Variants in ANO7 observed in about 807,000 individuals in gnomAD.
ANO7 encodes anoctamin 7.
Under a neutral mutation model 115.8 loss-of-function variants are expected in ANO7, and 114 were observed. That is an observed-to-expected ratio of 0.98 (90% confidence interval 0.85 to 1.15). The LOEUF (loss-of-function observed/expected upper bound fraction) is 1.15. Ranked by LOEUF, ANO7 falls within the 50% of genes most tolerant of loss-of-function variation. The pLI is 0.00. For missense variants in ANO7, 1,302 were observed against 1,201.2 expected, an observed-to-expected ratio of 1.08 and a Z score of -1.24; for synonymous variants, 550 against 498.2, an observed-to-expected ratio of 1.10 and a Z score of -1.38.
At position 241,209,472 on chromosome 2, in the gene ANO7, G is replaced by A. The variant is rs199681738; in HGVS notation, c.1222-26G>A. 429 of 1,599,118 alleles carry A rather than the reference G, an allele frequency of 2.7e-4. 1 individual carries two copies. The African/African-American group carries it at 5.1e-3, about 19-fold the overall frequency. Reference sequence around the variant, plus strand: ...ACCACGGTCACACCCGGCGAGGGCCGCCACTGAGCACCGGCTCCCTTCCAG... The same window carrying A: ...ACCACGGTCACACCCGGCGAGGGCCACCACTGAGCACCGGCTCCCTTCCAG... On this transcript the variant is annotated intron_variant, in intron 12 of 24. Coordinates refer to ENST00000674324, the MANE Select transcript of ANO7 (RefSeq NM_001370694.2).
At chr2:241,220,974 A>G (rs993185170) in intron 21 of ANO7, among the ~76,000 whole-genome samples, 3 of 148,692 alleles carry the variant, frequency 2.0e-5, no homozygotes, top group South Asian at 2.1e-4. Context: ...CTGTCTCAGG[A>G]AAAAAAAAAG....
Position 241,191,199 on chromosome 2 carries a change from T to C in ANO7, c.114T>C (p.Gly38=). 6.2e-7 allele frequency: 1 copy of C among 1,613,806 alleles called. No homozygotes were observed. The highest frequency in any genetic ancestry group is 8.5e-7 in the Non-Finnish European group (1 of 1,179,950). The change falls in exon 3 of 25, where the codon GGT becomes GGC. Residue 38 remains glycine (G), a synonymous_variant. Transcript: ENST00000674324. ...CCATCCTCCATGCCTTCCAGCCAGG[T>C]GGACAGCAAGCGGCCGCCTGCAGAG... The part of the protein sequence containing the change: ...YGSTAHASEP[G]GQQAAACRAG...
rs572318901 is a variant in ANO7 at position 241,223,344 on chromosome 2, C to A, written c.2412+68C>A. 12 of 1,557,254 alleles carry A rather than the reference C, an allele frequency of 7.7e-6. No individual in the cohort carries two copies. In the East Asian group the frequency reaches 9.0e-5, roughly 12 times the overall value. Reference sequence around the variant, plus strand: ...CCCCGACCCTGTGCTTTGCCTAATTCGAGCACGTGGTGAGGGGTCGGTGCC... The same window carrying A: ...CCCCGACCCTGTGCTTTGCCTAATTAGAGCACGTGGTGAGGGGTCGGTGCC... On this transcript the variant is annotated intron_variant, in intron 22 of 24. Coordinates refer to ENST00000674324, the MANE Select transcript of ANO7 (RefSeq NM_001370694.2).
chr2:241,239,504 G>A, the ANO7 span: 1 of 959,920 alleles, frequency 1.0e-6, no homozygotes, highest in Non-Finnish European at 1.6e-6. This position sits in a 1 kb window ranked among gnomAD's most constrained non-coding sequence, Gnocchi z 4.6. Flanking sequence ...CTGTATGAGG[G>A]AGTCACCTCC....
chr2:241,214,082 C>T (rs1470481273), intron 17 of ANO7, among the ~76,000 whole-genome samples: 3 of 152,030 alleles, frequency 2.0e-5, no homozygotes, highest in South Asian at 2.1e-4. Flanking sequence ...GTCAGGAGTT[C>T]GAGAATAGCC....
intron 3 of ANO7, among the ~76,000 whole-genome samples, chr2:241,193,373 G>A (rs57654724): frequency 0.012 from 1,827 of 152,218 alleles, 41 homozygotes; most frequent in African/African-American, 0.04. Context: ...CCCAGCCTAA[G>A]ATGGTTTTTT....
intron 18 of ANO7, among the ~76,000 whole-genome samples, chr2:241,215,561 G>A (rs1464608821): frequency 6.6e-6 from 1 of 152,256 alleles, no homozygotes; most frequent in African/African-American, 2.4e-5. Flanking sequence ...CCGAGAGATG[G>A]CCCTGCCTCT....
rs566311038 is a variant in ANO7 at position 241,212,499 on chromosome 2, C to T, written c.1674-73C>T. 7 of 1,484,522 alleles carry T rather than the reference C, an allele frequency of 4.7e-6. No individual in the cohort carries two copies. In the South Asian group the frequency reaches 8.3e-5, roughly 18 times the overall value. 92.0% of individuals were successfully genotyped at this position (1,484,522 alleles called of 1,614,324 possible). A position where few individuals can be genotyped will look rare whatever the true frequency, so the allele number is the denominator to read the frequency against. On this transcript the variant is annotated intron_variant, in intron 16 of 24. Coordinates refer to ENST00000674324, the MANE Select transcript of ANO7 (RefSeq NM_001370694.2). ...GGCAGGTGCAGCAGCTCTGCTGAGG[C>T]CTCCAGAGCCCAGGGAAGTGGGAGG... is the stretch of plus-strand genomic sequence containing the variant.
At chr2:241,212,296 C>T (rs770036591) in intron 16 of ANO7, 91 bp downstream of exon 16, 51 of 1,295,506 alleles carry the variant, frequency 3.9e-5, no homozygotes, top group South Asian at 1.3e-4. Context: ...GTCATCCAGC[C>T]GTGCTCAGGC....
rs776658591 is a variant in ANO7, at chr2:241,216,273, C to T, written c.1972+35C>T. The T allele has an allele frequency of 5.2e-6, 8 of 1,529,940 alleles. No homozygotes were observed. The East Asian group carries it at 1.2e-4, about 23-fold the overall frequency. The allele number at this position is 1,529,940 out of a possible 1,614,324, so 94.8% of individuals were successfully genotyped here. On this transcript the variant is annotated intron_variant, in intron 19 of 24. Coordinates refer to ENST00000674324, the MANE Select transcript of ANO7 (RefSeq NM_001370694.2). Reference sequence around the variant, plus strand: ...CGTTAGCAGCTGCGGCAATGGCTGGCGCCGTGGGCAGGGATGGGTGGCCAC... The same window carrying T: ...CGTTAGCAGCTGCGGCAATGGCTGGTGCCGTGGGCAGGGATGGGTGGCCAC...
At chr2:241,207,527 GC>G (rs761157337) in intron 10 of ANO7, 46 bp from the exon 11 acceptor site, 11 of 1,545,242 alleles carry the variant, frequency 7.1e-6, no homozygotes, top group African/African-American at 5.4e-5. Context: ...GGAGCAAGCA[GC>G]CCCCCTCCCC....
chr2:241,208,586 A>G lies in ANO7; in HGVS notation c.1078-699A>G, dbSNP rs58145054. Among the ~76,000 whole-genome samples the G allele has an allele frequency of 9.9e-3, 1,508 of 152,330 alleles. 38 individuals are homozygous for G. The highest frequency in any genetic ancestry group is 0.033 in the African/African-American group (1,375 of 41,562). On this transcript the variant is annotated intron_variant, in intron 11 of 24. Coordinates refer to ENST00000674324, the MANE Select transcript of ANO7 (RefSeq NM_001370694.2). ...TTACATTCTGAGGTTCCCAACGAACATATCTTTTGGGGGCCAGAATTCAAC... is the reference window on the plus strand; with the variant it reads ...TTACATTCTGAGGTTCCCAACGAACGTATCTTTTGGGGGCCAGAATTCAAC...
At chr2:241,230,167 G>T, downstream of ANO7, 2 of 1,612,418 alleles carry the variant, frequency 1.2e-6, no homozygotes, top group Non-Finnish European at 1.7e-6. The surrounding 1 kb of genome is among the most constrained non-coding windows in gnomAD (Gnocchi z 5.0). Flanking sequence ...TCCTCCTCCA[G>T]ATTGAGGATG....
intron 22 of ANO7, 65 bp from the exon 23 acceptor site, chr2:241,223,597 T>G: frequency 4.4e-6 from 7 of 1,582,376 alleles, no homozygotes; most frequent in Non-Finnish European, 6.0e-6. Context: ...AGCCCCGGCC[T>G]GCCTGGCCCT....
chr2:241,212,005 T>A (rs1331791011), intron 15 of ANO7, 89 bp from the exon 16 acceptor site: 4 of 888,966 alleles, frequency 4.5e-6, no homozygotes, highest in Non-Finnish European at 7.6e-6. Flanking sequence ...TCCTCACCCG[T>A]GTGTGGCAAG....
In ANO7 at chr2:241,224,345, G is replaced by A. The variant is rs1237013703; in HGVS notation, c.*192G>A. On this transcript the variant is annotated 3_prime_UTR_variant, in exon 25 of 25. Transcript: ENST00000674324. ...TCAGAGCGCCTGTCACTCCATCCCC[G>A]GCAGGGAGGGACCGTCAGCTCACAA... is the stretch of plus-strand genomic sequence containing the variant. The A allele has an allele frequency of 2.4e-5, 15 of 631,578 alleles. No homozygotes were observed. Among genetic ancestry groups the A allele is most frequent in the Middle Eastern group, 8.8e-4 (2 of 2,284 alleles). The allele number at this position is 631,578 out of a possible 1,614,324, so 39.1% of individuals were successfully genotyped here. A position where few individuals can be genotyped will look rare whatever the true frequency, so the allele number is the denominator to read the frequency against.
chr2:241,215,618 G>A (rs1279483628), intron 18 of ANO7, among the ~76,000 whole-genome samples: 1 of 152,250 alleles, frequency 6.6e-6, no homozygotes, highest in Non-Finnish European at 1.5e-5. Context: ...GGTGCAGGGT[G>A]GAGCTCTGTG....
intron 21 of ANO7, among the ~76,000 whole-genome samples, chr2:241,218,628 A>G (rs1057397887): frequency 6.6e-6 from 1 of 152,232 alleles, no homozygotes; most frequent in African/African-American, 2.4e-5. Context: ...AGTTGGTCAT[A>G]GTGTAGCAGG....
chr2:241,218,526 GCCGT>G, intron 21 of ANO7, 145 bp downstream of exon 21: 1 of 623,096 alleles, frequency 1.6e-6, no homozygotes, highest in East Asian at 4.1e-5. Flanking sequence ...AGCTGGGGGC[GCCGT>G]GGGCAGGGGC....
Sources: allele counts gnomAD v4.1 joint callset (sites outside exome capture counted in the v4.1 genomes callset), GRCh38; gene constraint gnomAD v4.1.1; non-coding constraint Gnocchi (gnomAD v3.1); transcripts MANE v1.5; gene names NCBI Gene and HGNC (gene_info 2026-07-23, HGNC 2026-07-21).